PDLIM5: variants seen among roughly 807,000 people sequenced by gnomAD.
PDLIM5 encodes PDZ and LIM domain 5.
Under a neutral mutation model 64.2 loss-of-function variants are expected in PDLIM5, and 34 were observed. The observed-to-expected ratio is 0.53, with a 90% CI of 0.40 to 0.71. The LOEUF (loss-of-function observed/expected upper bound fraction) is 0.71. Among genes scored for constraint, PDLIM5 ranks in the 30% least tolerant of loss-of-function variants. The pLI is 0.00. For missense variants in PDLIM5, 683 were observed against 733.6 expected (o/e 0.93, Z 0.80); for synonymous variants, 253 against 269.1 (o/e 0.94, Z 0.59).
chr4:94,609,089 A>G (rs1738155173), intron 7 of PDLIM5, among the ~76,000 whole-genome samples: 1 of 152,172 alleles, frequency 6.6e-6, no homozygotes, highest in Non-Finnish European at 1.5e-5. Context: ...TGGAAGAATG[A>G]CTTATCAAAT....
rs978055593 is a variant in PDLIM5 at position 94,664,991 on chromosome 4, A to C, written c.*924A>C. 4 of 983,228 alleles carry C rather than the reference A, an allele frequency of 4.1e-6. No individual in the cohort carries two copies. Among genetic ancestry groups the C allele is most frequent in the Non-Finnish European group, 4.8e-6 (4 of 827,996 alleles). The allele number at this position is 983,228 out of a possible 1,614,324, so 60.9% of individuals were successfully genotyped here. A position where few individuals can be genotyped will look rare whatever the true frequency, so the allele number is the denominator to read the frequency against. On this transcript the variant is annotated 3_prime_UTR_variant, in exon 13 of 13. Coordinates refer to ENST00000317968, the MANE Select transcript of PDLIM5 (RefSeq NM_006457.5). Reference sequence around the variant, plus strand: ...GTAAGAGATGTTATATTCTTTTCTCATTTCTTCCCCACCCAAAAATAAGCT... The same window carrying C: ...GTAAGAGATGTTATATTCTTTTCTCCTTTCTTCCCCACCCAAAAATAAGCT...
chr4:94,606,433 G>A (rs1435580804), intron 7 of PDLIM5, among the ~76,000 whole-genome samples: 1 of 152,138 alleles, frequency 6.6e-6, no homozygotes, highest in East Asian at 1.9e-4. Flanking sequence ...CAGTGAGGGT[G>A]TGGTAGAACG....
chr4:94,642,279 T>C (rs1741055249), intron 9 of PDLIM5, among the ~76,000 whole-genome samples: 1 of 152,194 alleles, frequency 6.6e-6, no homozygotes, highest in South Asian at 2.1e-4. Flanking sequence ...ACCACATCAG[T>C]TGCTGATTCA....
intron 5 of PDLIM5, chr4:94,582,962 A>G (rs1735857505): frequency 2.1e-6 from 1 of 469,750 alleles, no homozygotes; most frequent in Non-Finnish European, 3.8e-6. Context: ...GTTAACCTTC[A>G]TTGAGATATA....
intron 2 of PDLIM5, among the ~76,000 whole-genome samples, chr4:94,521,659 C>T (rs1310528726): frequency 6.6e-6 from 1 of 151,360 alleles, no homozygotes; most frequent in Non-Finnish European, 1.5e-5. Context: ...CTGGTTATGA[C>T]ATTGTCTTTG....
chr4:94,659,424 G>A (rs1742473696), intron 11 of PDLIM5, among the ~76,000 whole-genome samples: 2 of 151,460 alleles, frequency 1.3e-5, no homozygotes, highest in Non-Finnish European at 2.9e-5. Context: ...GCACCTAAAT[G>A]GTATAGCCCC....
At chr4:94,493,541 C>A (rs1727063423) in intron 2 of PDLIM5, among the ~76,000 whole-genome samples, 1 of 151,940 alleles carries the variant, frequency 6.6e-6, no homozygotes, top group Non-Finnish European at 1.5e-5. Flanking sequence ...GTCTCAATGA[C>A]CCTTTTAATT....
intron 3 of PDLIM5, among the ~76,000 whole-genome samples, chr4:94,530,400 G>A (rs1217524631): frequency 6.6e-6 from 1 of 151,970 alleles, no homozygotes; most frequent in Non-Finnish European, 1.5e-5. Context: ...ACTTTAAGGT[G>A]AAAGGTAGGT....
intron 9 of PDLIM5, among the ~76,000 whole-genome samples, chr4:94,641,753 T>G (rs965103312): frequency 2.6e-5 from 4 of 152,198 alleles, no homozygotes; most frequent in African/African-American, 9.7e-5. Context: ...TAGTAAGAAT[T>G]AGCCAGCAGC....
chr4:94,595,366 A>G (rs1462529185), intron 7 of PDLIM5, among the ~76,000 whole-genome samples: 1 of 152,146 alleles, frequency 6.6e-6, no homozygotes, highest in East Asian at 1.9e-4. Flanking sequence ...AACAATTCAA[A>G]CTCAGGTTAC....
intron 8 of PDLIM5, among the ~76,000 whole-genome samples, chr4:94,625,570 A>G (rs1739612489): frequency 6.6e-6 from 1 of 151,410 alleles, no homozygotes; most frequent in Admixed American, 6.6e-5. Flanking sequence ...CTCCTGCCTC[A>G]GCCCCCCAAG....
At chr4:94,582,868 G>T in intron 5 of PDLIM5, 1 of 627,310 alleles carries the variant, frequency 1.6e-6, no homozygotes, top group Non-Finnish European at 2.8e-6. Flanking sequence ...AGCATAAGAA[G>T]CATTTTTTTT....
intron 2 of PDLIM5, among the ~76,000 whole-genome samples, chr4:94,504,889 A>C (rs550105249): frequency 8.7e-4 from 132 of 152,120 alleles, no homozygotes; most frequent in Non-Finnish European, 1.6e-3. Flanking sequence ...ACTCATAACC[A>C]CTGTTCTTAC....
chr4:94,532,360 AAGAG>A lies in PDLIM5; in HGVS notation c.248+8489_248+8492del, dbSNP rs555864428. On this transcript the variant is annotated intron_variant, in intron 3 of 12. Coordinates refer to ENST00000317968, the MANE Select transcript of PDLIM5 (RefSeq NM_006457.5). ...TAAAGGAAAGGCTAGCATGGGGAAG[AAGAG>A]AGAAGAAGAAAAGGGCTCCCTGCTT... Among the ~76,000 whole-genome samples the A allele has an allele frequency of 3.3e-4, 51 of 152,264 alleles. No individual in the cohort carries two copies. The South Asian group carries it at 0.011, about 32-fold the overall frequency.
At chr4:94,620,266 A>G (rs1489989847) in intron 8 of PDLIM5, among the ~76,000 whole-genome samples, 3 of 152,182 alleles carry the variant, frequency 2.0e-5, no homozygotes, top group Non-Finnish European at 4.4e-5. Flanking sequence ...TCACAATGTG[A>G]TAGCTTTAAG....
At chr4:94,567,508 A>AT (rs35850642) in intron 3 of PDLIM5, among the ~76,000 whole-genome samples, 58 of 148,176 alleles carry the variant, frequency 3.9e-4, no homozygotes, top group East Asian at 2.6e-3. Flanking sequence ...GTACAGATTG[A>AT]TTTTTTTTTT....
intron 7 of PDLIM5, chr4:94,610,063 G>C: frequency 1.5e-6 from 1 of 651,652 alleles, no homozygotes; most frequent in Admixed American, 3.1e-5. Context: ...ATAATGCTTA[G>C]ATATTAATAT....
intron 3 of PDLIM5, among the ~76,000 whole-genome samples, chr4:94,560,840 C>CCT (rs1156658540): frequency 1.3e-5 from 2 of 152,158 alleles, no homozygotes; most frequent in African/African-American, 2.4e-5. Flanking sequence ...CATTCTCCTG[C>CCT]CTCAGCCTCC....
chr4:94,482,106 A>C (rs1164793731), intron 2 of PDLIM5, among the ~76,000 whole-genome samples: 1 of 149,600 alleles, frequency 6.7e-6, no homozygotes. Context: ...CTTCACAGAT[A>C]TTTTACCTCC....
Sources: gnomAD v4.1 joint callset for allele counts (sites outside exome capture counted in the v4.1 genomes callset) on GRCh38, gnomAD v4.1.1 for gene constraint, MANE v1.5 for transcripts, NCBI Gene and HGNC (gene_info 2026-07-23, HGNC 2026-07-21) for gene names.